The following IGF2BP2 variants were observed in gnomAD, a reference collection of about 807,000 sequenced individuals.
IGF2BP2 encodes insulin-like growth factor 2 mRNA-binding protein 2.
A neutral mutation model predicts 75.8 loss-of-function variants in IGF2BP2; 17 were observed. That is an observed-to-expected ratio of 0.22 (90% CI 0.15 to 0.34). IGF2BP2 has a LOEUF of 0.34. Ranked by LOEUF, IGF2BP2 falls within the 10% of genes least tolerant of loss-of-function variation. IGF2BP2 has a pLI of 1.00. For missense variants in IGF2BP2, 516 were observed against 772.4 expected, an observed-to-expected ratio of 0.67 and a Z score of 3.93; for synonymous variants, 288 against 295.6, an observed-to-expected ratio of 0.97 and a Z score of 0.26.
chr3:185,723,403 C>T (rs1726857175), intron 2 of IGF2BP2, among the ~76,000 whole-genome samples: 1 of 152,198 alleles, frequency 6.6e-6, no homozygotes, highest in Admixed American at 6.5e-5. Context: ...CCAATCCCTT[C>T]ACTTCATAAA....
chr3:185,704,580 G>A (rs1386749417), intron 2 of IGF2BP2, among the ~76,000 whole-genome samples: 1 of 152,178 alleles, frequency 6.6e-6, no homozygotes. Flanking sequence ...TTCCTGAGCA[G>A]CTGGGGCTAC....
At chr3:185,824,628 G>A (rs1409017028) in intron 1 of IGF2BP2, among the ~76,000 whole-genome samples, 155 bp downstream of exon 1, 1 of 151,880 alleles carries the variant, frequency 6.6e-6, no homozygotes, top group Non-Finnish European at 1.5e-5. Flanking sequence ...CCAGGAGCGG[G>A]CCGGCGGCGA....
chr3:185,715,812 T>A (rs1407005606), intron 2 of IGF2BP2, among the ~76,000 whole-genome samples: 9 of 151,936 alleles, frequency 5.9e-5, no homozygotes, highest in Admixed American at 5.9e-4. Flanking sequence ...CCCAGCTAAT[T>A]TTTTTGTATT....
intron 2 of IGF2BP2, chr3:185,716,823 G>A: frequency 1.9e-6 from 1 of 516,854 alleles, no homozygotes. Context: ...GGGCCAAAGA[G>A]AGGCTACGCA....
chr3:185,809,274 T>TA lies in IGF2BP2; in HGVS notation c.239+13878dup, dbSNP rs1378580352. On this transcript the variant is annotated intron_variant, in intron 2 of 15. Coordinates refer to ENST00000382199, the MANE Select transcript of IGF2BP2 (RefSeq NM_006548.6). ...ACTAACCCATTCTTACCTTATTTGTTAAAAAAAGAAAGAAAAGAAAGACTG... is the reference window on the plus strand; with the variant it reads ...ACTAACCCATTCTTACCTTATTTGTTAAAAAAAAGAAAGAAAAGAAAGACTG... Among the ~76,000 whole-genome samples the TA allele has an allele frequency of 2.6e-5, 4 of 152,228 alleles. No individual in the cohort carries two copies. The East Asian group carries it at 5.8e-4, about 22-fold the overall frequency.
chr3:185,817,000 C>A (rs1262634340), intron 2 of IGF2BP2, among the ~76,000 whole-genome samples: 1 of 152,126 alleles, frequency 6.6e-6, no homozygotes, highest in East Asian at 1.9e-4. Flanking sequence ...TGTTCCCATA[C>A]AAATTTTTCT....
intron 2 of IGF2BP2, among the ~76,000 whole-genome samples, chr3:185,729,227 A>G (rs1727800517): frequency 6.6e-6 from 1 of 152,222 alleles, no homozygotes; most frequent in South Asian, 2.1e-4. Context: ...GTCTCAGGAA[A>G]GGCAACTGTG....
intron 2 of IGF2BP2, among the ~76,000 whole-genome samples, chr3:185,798,378 C>G (rs1737723819): frequency 6.6e-6 from 1 of 152,146 alleles, no homozygotes; most frequent in African/African-American, 2.4e-5. Flanking sequence ...CTTAGGCTAT[C>G]CAGATCTTTC....
intron 2 of IGF2BP2, among the ~76,000 whole-genome samples, chr3:185,708,859 G>A (rs1724414111): frequency 1.3e-5 from 2 of 152,150 alleles, no homozygotes; most frequent in Admixed American, 1.3e-4. Flanking sequence ...GAGATGTAAG[G>A]CTGAGTTGTT....
At chr3:185,789,779 G>T (rs986010137) in intron 2 of IGF2BP2, among the ~76,000 whole-genome samples, 2 of 144,448 alleles carry the variant, frequency 1.4e-5, no homozygotes, top group African/African-American at 2.6e-5. Context: ...TGTCACCCAG[G>T]CTGTAATGCA....
intron 6 of IGF2BP2, among the ~76,000 whole-genome samples, chr3:185,687,904 AC>A (rs1426173170): frequency 6.6e-6 from 1 of 151,626 alleles, no homozygotes; most frequent in African/African-American, 2.4e-5. Flanking sequence ...TTGAGAGCTA[AC>A]CCCACTTCTA....
At chr3:185,658,293 T>C (rs2149100485) in intron 11 of IGF2BP2, 48 bp downstream of exon 11, 1 of 1,558,568 alleles carries the variant, frequency 6.4e-7, no homozygotes. Context: ...CAAGTGGGCC[T>C]AGCCCCAGGA....
At chr3:185,813,625 G>A (rs1410682617) in intron 2 of IGF2BP2, among the ~76,000 whole-genome samples, 2 of 152,152 alleles carry the variant, frequency 1.3e-5, no homozygotes, top group Non-Finnish European at 2.9e-5. Flanking sequence ...GCACTTCAGG[G>A]GAAAAAAGTA....
intron 2 of IGF2BP2, among the ~76,000 whole-genome samples, chr3:185,745,964 C>A (rs1730202613): frequency 2.0e-5 from 3 of 152,066 alleles, no homozygotes; most frequent in Non-Finnish European, 4.4e-5. Flanking sequence ...CACTTTTTCA[C>A]ACTCCTTGCT....
At chr3:185,731,531 G>A (rs1162730104) in intron 2 of IGF2BP2, among the ~76,000 whole-genome samples, 2 of 152,098 alleles carry the variant, frequency 1.3e-5, no homozygotes, top group African/African-American at 4.8e-5. Flanking sequence ...AAGATAACAG[G>A]CGTGAGCCGC....
At chr3:185,710,417 G>C (rs1206931930) in intron 2 of IGF2BP2, among the ~76,000 whole-genome samples, 3 of 152,016 alleles carry the variant, frequency 2.0e-5, no homozygotes, top group Non-Finnish European at 4.4e-5. Context: ...CTCTGTTACA[G>C]GAAGGGATAT....
At chr3:185,706,218 T>C (rs1304532674) in intron 2 of IGF2BP2, among the ~76,000 whole-genome samples, 3 of 152,228 alleles carry the variant, frequency 2.0e-5, no homozygotes, top group Admixed American at 2.0e-4. Flanking sequence ...AAAGAGATGG[T>C]GGATAATTCC....
chr3:185,822,130 CT>C (rs1426114422), intron 2 of IGF2BP2, among the ~76,000 whole-genome samples: 3 of 152,098 alleles, frequency 2.0e-5, no homozygotes, highest in Non-Finnish European at 4.4e-5. Context: ...TTAAAAATCC[CT>C]TCAGCAACAC....
At chr3:185,804,044 G>T (rs1437803780) in intron 2 of IGF2BP2, among the ~76,000 whole-genome samples, 1 of 151,928 alleles carries the variant, frequency 6.6e-6, no homozygotes, top group African/African-American at 2.4e-5. Context: ...GGATCACGAG[G>T]TCAGGAGCTC....
Sources: allele counts gnomAD v4.1 joint callset (sites outside exome capture counted in the v4.1 genomes callset), GRCh38; gene constraint gnomAD v4.1.1; transcripts MANE v1.5; gene names NCBI Gene and HGNC (gene_info 2026-07-23, HGNC 2026-07-21).